Variants in ACLY observed in about 807,000 individuals in gnomAD.
ACLY encodes the protein ATP citrate lyase, also known as ATP-citrate synthase.
ACLY carries 41 observed loss-of-function variants against 133.0 expected under a neutral mutation model. The ratio of observed to expected loss-of-function variants is 0.31; its 90% CI spans 0.24 to 0.40. The LOEUF is 0.40. ACLY is among the 10% of genes least tolerant of loss of function. ACLY has a pLI of 1.00. For missense variants in ACLY, 1,046 were observed against 1,453.8 expected, an observed-to-expected ratio of 0.72 and a Z score of 4.56; for synonymous variants, 495 against 549.3, an observed-to-expected ratio of 0.90 and a Z score of 1.38.
intron 20 of ACLY, among the ~76,000 whole-genome samples, chr17:41,880,923 C>G (rs34656066): frequency 6.6e-6 from 1 of 150,452 alleles, no homozygotes. Flanking sequence ...ACCCATGGGG[C>G]GATGAGTGCC....
At chr17:41,887,816 G>A (rs933753169) in intron 16 of ACLY, 113 bp from the exon 17 acceptor site, 2 of 854,718 alleles carry the variant, frequency 2.3e-6, no homozygotes, top group African/African-American at 1.7e-5. Context: ...CAGGGTCCAA[G>A]AACAAAGTAA....
chr17:41,883,067 T>G (rs1282033835), intron 20 of ACLY, 55 bp downstream of exon 20: 1 of 1,432,474 alleles, frequency 7.0e-7, no homozygotes, highest in Non-Finnish European at 9.7e-7. Flanking sequence ...TCGCCTCAAA[T>G]GCCCCCTCTT....
At chr17:41,902,186 C>T (rs531196219) in intron 10 of ACLY, among the ~76,000 whole-genome samples, 1 of 152,236 alleles carries the variant, frequency 6.6e-6, no homozygotes, top group South Asian at 2.1e-4. Flanking sequence ...TAGTCAATGT[C>T]CTACAAAAGC....
At chr17:41,875,863 C>A (rs1450418689) in intron 22 of ACLY, among the ~76,000 whole-genome samples, 1 of 151,910 alleles carries the variant, frequency 6.6e-6, no homozygotes, top group Non-Finnish European at 1.5e-5. Context: ...CCGGCCGCCA[C>A]CCCGTCTGGG....
intron 14 of ACLY, among the ~76,000 whole-genome samples, chr17:41,895,032 G>A (rs922335684): frequency 1.3e-5 from 2 of 152,048 alleles, no homozygotes; most frequent in Non-Finnish European, 2.9e-5. Flanking sequence ...TAGACCCCCC[G>A]GGTTCTGCTG....
At position 41,928,418 on chromosome 17, in the gene ACLY, C is replaced by T. The variant is rs181769563; in HGVS notation, c.-28+1940G>A. 4.2e-3 allele frequency among the ~76,000 whole-genome samples: 633 copies of T among 152,104 alleles called. 4 individuals are homozygous for T. The highest frequency in any genetic ancestry group is 0.014 in the African/African-American group (601 of 41,500). ...TACATATTTATGCTAATACCATTACCGTAGCTTTAAAATAAGTCTTGAAAT... is the reference window on the plus strand; with the variant it reads ...TACATATTTATGCTAATACCATTACTGTAGCTTTAAAATAAGTCTTGAAAT... On this transcript the variant is annotated intron_variant, in intron 1 of 3. Transcript: ENST00000592970.
At position 41,883,107 on chromosome 17, in the gene ACLY, C is replaced by T. The variant is rs782527567; in HGVS notation, c.2265+15G>A. 6.2e-7 allele frequency: 1 copy of T among 1,606,054 alleles called. No individual in the cohort carries two copies. On this transcript the variant is annotated intron_variant, in intron 20 of 28. Transcript: ENST00000352035. Reference sequence around the variant, plus strand: ...TCCCCACTCCCAGCCCAGAAGTGACCCATCTCAGCCATACCTCAGAGGAGA... The same window carrying T: ...TCCCCACTCCCAGCCCAGAAGTGACTCATCTCAGCCATACCTCAGAGGAGA...
chr17:41,911,687 G>T (rs1299381380), intron 3 of ACLY, among the ~76,000 whole-genome samples: 2 of 152,024 alleles, frequency 1.3e-5, no homozygotes, highest in African/African-American at 4.8e-5. Flanking sequence ...ATGGTGGCAT[G>T]CACCTATAGT....
At chr17:41,907,377 C>T (rs2049751498) in intron 7 of ACLY, 65 bp downstream of exon 7, 1 of 1,497,336 alleles carries the variant, frequency 6.7e-7, no homozygotes, top group Admixed American at 1.8e-5. Flanking sequence ...AAATGCACAT[C>T]AAAGATGAGT....
rs2048497545 is a variant in ACLY, at chr17:41,867,586, CTTGG to C, written c.*220_*223del. ...AGCAGAGCAAAGTCACAAATATTGGCTTGGTTTTTATTTCTATGCTTATAAAAAA... is the reference window on the plus strand; with the variant it reads ...AGCAGAGCAAAGTCACAAATATTGGCTTTTTATTTCTATGCTTATAAAAAA... On this transcript the variant is annotated 3_prime_UTR_variant, in exon 29 of 29. Coordinates refer to ENST00000352035, the MANE Select transcript of ACLY (RefSeq NM_001096.3). 8.6e-6 allele frequency: 3 copies of C among 347,130 alleles called. No homozygotes were observed. The South Asian group carries it at 2.4e-4, about 28-fold the overall frequency. 21.5% of individuals were successfully genotyped at this position (347,130 alleles called of 1,614,324 possible).
intron 22 of ACLY, among the ~76,000 whole-genome samples, chr17:41,875,976 C>T: frequency 6.6e-6 from 1 of 151,236 alleles, no homozygotes; most frequent in Non-Finnish European, 1.5e-5. Context: ...TGCCCGGCCG[C>T]TATCCCATCT....
intron 18 of ACLY, 81 bp downstream of exon 18, chr17:41,886,031 G>A: frequency 7.1e-7 from 1 of 1,411,446 alleles, no homozygotes; most frequent in South Asian, 1.2e-5. Flanking sequence ...GGGGCAGCAA[G>A]CAGCCTGCAG....
intron 14 of ACLY, among the ~76,000 whole-genome samples, chr17:41,895,883 C>T (rs543774776): frequency 4.5e-4 from 69 of 152,324 alleles, no homozygotes; most frequent in African/African-American, 1.4e-3. Flanking sequence ...GTTAAATGGA[C>T]GCTCTGATGC....
intron 13 of ACLY, 64 bp from the exon 14 acceptor site, chr17:41,896,713 A>T: frequency 6.8e-7 from 1 of 1,461,946 alleles, no homozygotes; most frequent in East Asian, 2.5e-5. Flanking sequence ...TTGGAGGGAG[A>T]GGGTGGGAAC....
chr17:41,914,839 G>A (rs1555634260), intron 1 of ACLY, among the ~76,000 whole-genome samples: 1 of 152,112 alleles, frequency 6.6e-6, no homozygotes. Context: ...TGATTGCACC[G>A]CTGCACTGTA....
intron 14 of ACLY, among the ~76,000 whole-genome samples, chr17:41,893,432 G>C (rs1186354683): frequency 6.6e-6 from 1 of 152,204 alleles, no homozygotes; most frequent in African/African-American, 2.4e-5. Flanking sequence ...GCAAAGAATG[G>C]AGAAAGAAGG....
chr17:41,924,874 TCTCTCAAAAA>T (rs2050223725), intron 1 of ACLY, among the ~76,000 whole-genome samples: 1 of 151,928 alleles, frequency 6.6e-6, no homozygotes, highest in Non-Finnish European at 1.5e-5. Context: ...ATTCTGACTC[TCTCTCAAAAA>T]CTGCCACTGC....
chr17:41,926,146 G>A (rs1296850412), intron 1 of ACLY, among the ~76,000 whole-genome samples: 2 of 151,936 alleles, frequency 1.3e-5, no homozygotes, highest in Non-Finnish European at 2.9e-5. Context: ...CGCCCGGCCA[G>A]ACATGTATGT....
chr17:41,881,753 C>T (rs557129079), intron 20 of ACLY, among the ~76,000 whole-genome samples: 11 of 152,274 alleles, frequency 7.2e-5, no homozygotes, highest in Non-Finnish European at 1.0e-4. Flanking sequence ...CCTGCCACCA[C>T]GTCTGGCTAC....
Sources: allele counts gnomAD v4.1 joint callset (sites outside exome capture counted in the v4.1 genomes callset), GRCh38; gene constraint gnomAD v4.1.1; transcripts MANE v1.5; gene names NCBI Gene and HGNC (gene_info 2026-07-23, HGNC 2026-07-21).